Variants in SHROOM2 observed in about 807,000 individuals in gnomAD.
The protein encoded by SHROOM2 is protein Shroom2.
A neutral mutation model predicts 75.9 loss-of-function variants in SHROOM2; 33 were observed. The observed-to-expected ratio is 0.43, with a 90% CI of 0.33 to 0.58. The LOEUF is 0.58. Ranked by LOEUF, SHROOM2 falls within the 20% of genes least tolerant of loss-of-function variation. The probability of loss-of-function intolerance (pLI) is 0.04; values close to 1 mark genes in which losing one functional copy is unlikely to be tolerated. For missense variants in SHROOM2, 1,434 were observed against 1,461.2 expected, an observed-to-expected ratio of 0.98 and a Z score of 0.30; for synonymous variants, 655 against 663.6, an observed-to-expected ratio of 0.99 and a Z score of 0.20.
At chrX:9,864,460 T>C (rs1300007464) in intron 1 of SHROOM2, among the ~76,000 whole-genome samples, 1 of 111,065 alleles carries the variant, frequency 9.0e-6, no homozygotes, top group Non-Finnish European at 1.9e-5. Context: ...GGTAGTAGGA[T>C]TGCTTGAGGC....
At chrX:9,828,777 A>G (rs142883247) in intron 1 of SHROOM2, among the ~76,000 whole-genome samples, 2,053 of 111,113 alleles carry the variant, frequency 0.018, 21 homozygotes, top group Middle Eastern at 0.049. Flanking sequence ...CTGTCTGTCT[A>G]TATCTGTCTA....
intron 1 of SHROOM2, among the ~76,000 whole-genome samples, chrX:9,849,746 T>C (rs755129917): frequency 6.8e-4 from 76 of 112,048 alleles, no homozygotes; most frequent in Admixed American, 5.6e-3. Flanking sequence ...ACATTAGCTC[T>C]AGGTAATTTC....
At chrX:9,855,197 G>A (rs1446013158) in intron 1 of SHROOM2, among the ~76,000 whole-genome samples, 2 of 103,659 alleles carry the variant, frequency 1.9e-5, no homozygotes, top group Admixed American at 1.1e-4. Flanking sequence ...CCTAATGTAG[G>A]TGACGGGTTG....
intron 2 of SHROOM2, among the ~76,000 whole-genome samples, chrX:9,880,269 G>C (rs1470205287): frequency 8.9e-6 from 1 of 112,782 alleles, no homozygotes; most frequent in Admixed American, 9.3e-5. Flanking sequence ...TGTCCAGTGT[G>C]CCACTCGCCC....
intron 5 of SHROOM2, among the ~76,000 whole-genome samples, chrX:9,928,023 T>A (rs1449556747): frequency 8.9e-6 from 1 of 112,173 alleles, no homozygotes; most frequent in Non-Finnish European, 1.9e-5. Flanking sequence ...AACAGTGGTT[T>A]CGGTCCTGTC....
intron 1 of SHROOM2, among the ~76,000 whole-genome samples, chrX:9,799,735 T>C (rs1046440970): frequency 9.0e-6 from 1 of 110,676 alleles, no homozygotes; most frequent in Non-Finnish European, 1.9e-5. Flanking sequence ...TTCCTCGAGA[T>C]AACGTGCATC....
intron 5 of SHROOM2, among the ~76,000 whole-genome samples, chrX:9,905,988 C>G (rs1009557201): frequency 9.0e-6 from 1 of 111,678 alleles, no homozygotes; most frequent in African/African-American, 3.3e-5. Context: ...AGCAGCGGCA[C>G]TGCAGTGCCC....
At chrX:9,789,974 C>G (rs979526962) in intron 1 of SHROOM2, among the ~76,000 whole-genome samples, 21 of 12,090 alleles carry the variant, frequency 1.7e-3, no homozygotes, top group Admixed American at 5.5e-3. Flanking sequence ...CTTGGAGGTC[C>G]CCCCCACCTG....
chrX:9,930,506 CAA>C (rs201521221), intron 5 of SHROOM2, among the ~76,000 whole-genome samples: 2,718 of 70,654 alleles, frequency 0.038, 102 homozygotes, highest in African/African-American at 0.12. Flanking sequence ...GACCCTGTCT[CAA>C]AAAAAAAAAA....
intron 1 of SHROOM2, among the ~76,000 whole-genome samples, chrX:9,855,295 T>TTAA (rs1555927810): frequency 0.023 from 915 of 39,292 alleles, 75 homozygotes; most frequent in Admixed American, 0.1. Context: ...TAAAGTATAG[T>TTAA]AAAAAAAAAA....
chrX:9,926,887 G>A lies in SHROOM2; in HGVS notation c.2892-5288G>A, dbSNP rs757011921. ...TGTAAATATTCCAAAATCCAAAAAC[G>A]TCTGAAATCCAAAACACTTCTGGTC... On this transcript the variant is annotated intron_variant, in intron 5 of 9. Transcript: ENST00000380913. Among the ~76,000 whole-genome samples, 8 of 110,285 alleles carry A rather than the reference G, an allele frequency of 7.3e-5. No homozygotes were observed. In the East Asian group the frequency reaches 8.6e-4, roughly 12 times the overall value.
At chrX:9,826,514 G>A (rs1420438500) in intron 1 of SHROOM2, among the ~76,000 whole-genome samples, 3 of 111,314 alleles carry the variant, frequency 2.7e-5, no homozygotes, top group South Asian at 3.8e-4. Flanking sequence ...GCTCACTCCT[G>A]TAATCCCAGT....
intron 1 of SHROOM2, among the ~76,000 whole-genome samples, chrX:9,787,060 C>G (rs1169800152): frequency 1.8e-5 from 2 of 111,860 alleles, no homozygotes; most frequent in Admixed American, 9.4e-5. Context: ...GTCCCCGAGC[C>G]GTCCCCACCT....
chrX:9,942,270 A>G (rs779399052), intron 8 of SHROOM2, among the ~76,000 whole-genome samples: 1 of 112,259 alleles, frequency 8.9e-6, no homozygotes, highest in South Asian at 3.7e-4. Flanking sequence ...ACCAACACAG[A>G]AGACTTCGGT....
At chrX:9,811,848 T>A (rs1402445666) in intron 1 of SHROOM2, among the ~76,000 whole-genome samples, 1 of 111,754 alleles carries the variant, frequency 8.9e-6, no homozygotes, top group African/African-American at 3.3e-5. Flanking sequence ...TGGTGCAGGC[T>A]GGGGGAGAGA....
chrX:9,868,741 T>G (rs1430906958), intron 1 of SHROOM2, among the ~76,000 whole-genome samples: 1 of 81,950 alleles, frequency 1.2e-5, no homozygotes, highest in Non-Finnish European at 2.3e-5. Flanking sequence ...TTTTTTTTTT[T>G]TTTTTTTTTT....
chrX:9,912,761 G>A (rs978720091), intron 5 of SHROOM2: 1 of 112,087 alleles, frequency 8.9e-6, no homozygotes, highest in Non-Finnish European at 1.9e-5. Context: ...CTGTGGGTAA[G>A]GTCTGGTGAG....
intron 5 of SHROOM2, among the ~76,000 whole-genome samples, chrX:9,915,373 G>T (rs1047099742): frequency 9.0e-6 from 1 of 111,076 alleles, no homozygotes; most frequent in Non-Finnish European, 1.9e-5. Flanking sequence ...ACGCACAGGG[G>T]TAATAGCTTC....
In SHROOM2 at chrX:9,949,422, A is replaced by T. The variant is rs755164624; in HGVS notation, c.*2485A>T. On this transcript the variant is annotated 3_prime_UTR_variant, in exon 10 of 10. Transcript: ENST00000380913. ...TCATCCTGCTTGACTGTAACAAAAT[A>T]AATAGTGTCTCTTCAAGTGAATGGA... 38 of 328,953 alleles carry T rather than the reference A, an allele frequency of 1.2e-4. No homozygotes were observed. Among genetic ancestry groups the T allele is most frequent in the South Asian group, 9.4e-4 (36 of 38,340 alleles). The allele number at this position is 328,953 out of a possible 1,213,427, so 27.1% of individuals were successfully genotyped here. A position where few individuals can be genotyped will look rare whatever the true frequency, so the allele number is the denominator to read the frequency against.
Sources: allele counts gnomAD v4.1 joint callset (sites outside exome capture counted in the v4.1 genomes callset), GRCh38; gene constraint gnomAD v4.1.1; transcripts MANE v1.5; gene names NCBI Gene and HGNC (gene_info 2026-07-23, HGNC 2026-07-21).